DNAH14: variants seen among roughly 807,000 people sequenced by gnomAD.
DNAH14 encodes the protein dynein axonemal heavy chain 14.
DNAH14 carries 478 observed loss-of-function variants against 520.9 expected under a neutral mutation model. The observed-to-expected ratio is 0.92, with a 90% CI of 0.85 to 0.99. DNAH14 has a LOEUF of 0.99. Among genes scored for constraint, DNAH14 ranks in the 50% least tolerant of loss-of-function variants. The pLI, the probability that DNAH14 is intolerant of heterozygous loss-of-function variation, is 0.00. For synonymous variants in DNAH14, 1,581 were observed against 1,757.2 expected, an observed-to-expected ratio of 0.90 and a Z score of 2.51; for missense variants, 4,831 against 5,234.5, an observed-to-expected ratio of 0.92 and a Z score of 2.38.
intron 70 of DNAH14, 28 bp downstream of exon 70, chr1:225,346,408 C>T (rs1041050116): frequency 1.2e-5 from 19 of 1,526,916 alleles, no homozygotes; most frequent in Non-Finnish European, 1.7e-5. Flanking sequence ...GTGAATTTTA[C>T]ATGCTTATTT....
chr1:225,180,225 T>C (rs2083814864), intron 36 of DNAH14, among the ~76,000 whole-genome samples: 1 of 152,226 alleles, frequency 6.6e-6, no homozygotes. Flanking sequence ...TCACTCTCTC[T>C]CGAAGCCTAG....
At chr1:225,108,190 A>G (rs1223865246) in intron 23 of DNAH14, among the ~76,000 whole-genome samples, 1 of 152,160 alleles carries the variant, frequency 6.6e-6, no homozygotes, top group Non-Finnish European at 1.5e-5. Flanking sequence ...CCTGCCCTTG[A>G]ACATCAGACT....
intron 74 of DNAH14, 116 bp downstream of exon 74, chr1:225,358,768 T>C: frequency 9.4e-7 from 1 of 1,065,766 alleles, no homozygotes; most frequent in Non-Finnish European, 1.3e-6. Context: ...CGAGACCAGG[T>C]AGAGGTAATT....
In DNAH14 at chr1:225,201,873, CT is replaced by C. The variant is rs35342713; in HGVS notation, c.5887-2291del. 4.3e-3 allele frequency among the ~76,000 whole-genome samples: 521 copies of C among 122,496 alleles called. 11 individuals are homozygous for C. Among genetic ancestry groups the C allele is most frequent in the East Asian group, 0.016 (64 of 4,118 alleles). 80.4% of individuals were successfully genotyped at this position (122,496 alleles called of 152,430 possible). ...CCAGGAGGTAGCACTTTCTTTCTTC[CT>C]TTTTTTTTTTTTTTTTTTGAGACGA... On this transcript the variant is annotated intron_variant, in intron 38 of 85. Transcript: ENST00000682510.
At position 224,955,101 on chromosome 1, in the gene DNAH14, A is replaced by G. The variant is rs2125518241; in HGVS notation, c.217+3A>G. The G allele has an allele frequency of 6.2e-7, 1 of 1,607,032 alleles. No homozygotes were observed. The highest frequency in any genetic ancestry group is 1.7e-5 in the Admixed American group (1 of 58,948). On this transcript the variant is annotated splice_donor_region_variant and intron_variant, in intron 3 of 85. Coordinates refer to ENST00000682510, the MANE Select transcript of DNAH14 (RefSeq NM_001367479.1). ...TTTGAAGTCAGAGAAAACAGAAGGT[A>G]TTTATCAAGATTACTATTCTGGCAT...
At chr1:225,215,991 C>G (rs892802362) in intron 41 of DNAH14, among the ~76,000 whole-genome samples, 5 of 152,144 alleles carry the variant, frequency 3.3e-5, no homozygotes, top group Admixed American at 6.5e-5. Flanking sequence ...TTCCTAGCCT[C>G]AATGGTCATT....
chr1:225,380,453 A>C, intron 80 of DNAH14, 131 bp downstream of exon 80: 1 of 1,050,056 alleles, frequency 9.5e-7, no homozygotes, highest in Non-Finnish European at 1.3e-6. Flanking sequence ...TGGAAAACTC[A>C]GTCTCTGCCT....
Position 225,057,948 on chromosome 1 carries a change from T to A in DNAH14, c.2424+6153T>A, listed in dbSNP as rs553954146. The stretch of plus-strand genomic sequence containing the variant: ...CAGTTTGCCAGTATTTTATTGAGGA[T>A]TTTTGCATTGATGTTCATCAGGGAT... On this transcript the variant is annotated intron_variant, in intron 17 of 85. Transcript: ENST00000682510. 6.6e-5 allele frequency among the ~76,000 whole-genome samples: 10 copies of A among 152,182 alleles called. No homozygotes were observed. In the South Asian group the frequency reaches 2.1e-3, roughly 32 times the overall value.
chr1:225,293,064 T>G (rs1373890541), intron 55 of DNAH14, among the ~76,000 whole-genome samples: 1 of 152,158 alleles, frequency 6.6e-6, no homozygotes, highest in African/African-American at 2.4e-5. Flanking sequence ...AACAATTATA[T>G]GTTAAAAAGC....
At chr1:225,377,553 A>T in intron 79 of DNAH14, 117 bp downstream of exon 79, 1 of 968,182 alleles carries the variant, frequency 1.0e-6, no homozygotes, top group East Asian at 2.8e-5. Flanking sequence ...TGAGCTCAGG[A>T]GTTCGAGACC....
At chr1:225,005,297 T>G (rs2064081553) in intron 9 of DNAH14, among the ~76,000 whole-genome samples, 1 of 152,208 alleles carries the variant, frequency 6.6e-6, no homozygotes, top group Non-Finnish European at 1.5e-5. Context: ...GTGGTGCTGG[T>G]AATCTACATT....
chr1:225,260,369 C>T (rs2092893466), intron 46 of DNAH14, among the ~76,000 whole-genome samples: 1 of 149,554 alleles, frequency 6.7e-6, no homozygotes, highest in African/African-American at 2.5e-5. Flanking sequence ...AAAAAAAAAT[C>T]CATTCAGCCA....
intron 76 of DNAH14, among the ~76,000 whole-genome samples, chr1:225,365,530 GC>G (rs1340315199): frequency 6.6e-6 from 1 of 152,166 alleles, no homozygotes; most frequent in East Asian, 1.9e-4. Context: ...TCCAGATACA[GC>G]CCCAATCCAG....
chr1:225,335,331 G>A (rs115614990), intron 66 of DNAH14, among the ~76,000 whole-genome samples: 2,081 of 76,104 alleles, frequency 0.027, 267 homozygotes, highest in East Asian at 0.051. Context: ...ACATATACAC[G>A]TGTGTACATG....
intron 17 of DNAH14, among the ~76,000 whole-genome samples, chr1:225,066,638 C>T (rs1299563940): frequency 2.0e-5 from 3 of 151,902 alleles, no homozygotes; most frequent in Admixed American, 2.0e-4. Flanking sequence ...AGTCTTTTAT[C>T]TCACACCCCC....
At chr1:225,216,923 C>A (rs1416834898) in intron 41 of DNAH14, among the ~76,000 whole-genome samples, 1 of 152,242 alleles carries the variant, frequency 6.6e-6, no homozygotes, top group Non-Finnish European at 1.5e-5. Flanking sequence ...CATTCTCCAT[C>A]CAGCTTTGTT....
chr1:225,052,486 A>G (rs754415795), intron 17 of DNAH14, among the ~76,000 whole-genome samples: 34 of 152,152 alleles, frequency 2.2e-4, no homozygotes, highest in Admixed American at 3.3e-4. Context: ...AATACCTACT[A>G]TTTGTTCATT....
intron 75 of DNAH14, 60 bp downstream of exon 75, chr1:225,360,951 A>G (rs548988419): frequency 6.9e-7 from 1 of 1,449,916 alleles, no homozygotes; most frequent in East Asian, 2.5e-5. Flanking sequence ...ATAAAGTAAA[A>G]CTGGAAATGT....
chr1:224,977,895 G>A (rs1357769842), intron 8 of DNAH14, among the ~76,000 whole-genome samples: 2 of 151,588 alleles, frequency 1.3e-5, no homozygotes, highest in African/African-American at 4.9e-5. Flanking sequence ...GAATACAAAT[G>A]GCCAGCAGGT....
Sources: allele counts gnomAD v4.1 joint callset (sites outside exome capture counted in the v4.1 genomes callset), GRCh38; gene constraint gnomAD v4.1.1; transcripts MANE v1.5; gene names NCBI Gene and HGNC (gene_info 2026-07-23, HGNC 2026-07-21).